Variants in PLXNC1 observed in about 807,000 individuals in gnomAD.
PLXNC1 encodes the protein plexin C1.
Under a neutral mutation model 178.2 loss-of-function variants are expected in PLXNC1, and 75 were observed. The observed-to-expected ratio is 0.42, with a 90% CI of 0.35 to 0.51. The LOEUF is 0.51. PLXNC1 is among the 20% of genes least tolerant of loss of function. The pLI, the probability that PLXNC1 is intolerant of heterozygous loss-of-function variation, is 0.02. For missense variants in PLXNC1, 1,503 were observed against 1,984.4 expected (o/e 0.76, Z 4.61); for synonymous variants, 790 against 779.9 (o/e 1.01, Z -0.22).
intron 1 of PLXNC1, among the ~76,000 whole-genome samples, chr12:94,164,452 G>A (rs964982611): frequency 1.0e-5 from 1 of 95,310 alleles, no homozygotes; most frequent in Non-Finnish European, 2.3e-5. Context: ...ACCCTGCCTC[G>A]ATGAGCCGGG....
chr12:94,262,358 G>A (rs1234543186), intron 20 of PLXNC1, among the ~76,000 whole-genome samples: 1 of 152,214 alleles, frequency 6.6e-6, no homozygotes, highest in Admixed American at 6.5e-5. Context: ...GTGTGTGGGC[G>A]TTGCCTTTAA....
chr12:94,174,819 G>A (rs952872213), intron 2 of PLXNC1, among the ~76,000 whole-genome samples: 3 of 152,164 alleles, frequency 2.0e-5, no homozygotes, highest in Admixed American at 2.0e-4. Flanking sequence ...TCATTGGTTG[G>A]CTGTTTAGGA....
intron 6 of PLXNC1, among the ~76,000 whole-genome samples, chr12:94,221,473 A>G (rs1963794533): frequency 6.6e-6 from 1 of 151,786 alleles, no homozygotes; most frequent in Non-Finnish European, 1.5e-5. Flanking sequence ...CAGACTGAGG[A>G]CTCCTGAGTC....
chr12:94,257,102 A>T (rs1219916519), intron 17 of PLXNC1, among the ~76,000 whole-genome samples: 4 of 152,240 alleles, frequency 2.6e-5, no homozygotes, highest in Non-Finnish European at 2.9e-5. Flanking sequence ...AAGATAGAAC[A>T]GGGAAACAGA....
intron 21 of PLXNC1, chr12:94,272,404 ACCAGCCATCTT>A (rs972165862): frequency 6.6e-6 from 1 of 152,378 alleles, no homozygotes; most frequent in African/African-American, 2.4e-5. Flanking sequence ...GCAGATGGTC[ACCAGCCATCTT>A]TTAAGGAAGT....
chr12:94,264,930 T>C (rs1965155613), intron 20 of PLXNC1, 149 bp from the exon 21 acceptor site: 1 of 788,876 alleles, frequency 1.3e-6, no homozygotes, highest in African/African-American at 1.7e-5. Flanking sequence ...CAATCCCAAG[T>C]GGAGCAACGT....
Position 94,149,412 on chromosome 12 carries a change from G to A in PLXNC1, c.441G>A (p.Leu147=). The A allele has an allele frequency of 7.0e-7, 1 of 1,437,288 alleles. No homozygotes were observed. Among genetic ancestry groups the A allele is most frequent in the Non-Finnish European group, 9.0e-7 (1 of 1,105,082 alleles). The allele number at this position is 1,437,288 out of a possible 1,614,324, so 89.0% of individuals were successfully genotyped here. ...RPLGNLSRNS[L]RNGTEVVSCH... is the part of the protein sequence containing the mutation. ...TGGGCAACCTGAGCCGCAACTCCCT[G>A]CGCAACGGCACCGAGGTGGTGTCGT... The change falls in exon 1 of 31, where the codon CTG becomes CTA. Residue 147 remains leucine, a synonymous_variant. Transcript: ENST00000258526.
rs140832541 is a variant in PLXNC1 at position 94,161,610 on chromosome 12, C to T, written c.1063-7543C>T. ...ATTATTATTTGCTTTGGTCAGAGCA[C>T]ACCTAAAGTACTGTGTTTACTTCTT... On this transcript the variant is annotated intron_variant, in intron 1 of 30. Coordinates refer to ENST00000258526, the MANE Select transcript of PLXNC1 (RefSeq NM_005761.3). Among the ~76,000 whole-genome samples, 39 of 152,310 alleles carry T rather than the reference C, an allele frequency of 2.6e-4. No individual in the cohort carries two copies. The East Asian group carries it at 6.4e-3, about 25-fold the overall frequency.
intron 12 of PLXNC1, among the ~76,000 whole-genome samples, 182 bp from the exon 13 acceptor site, chr12:94,247,721 C>T (rs1964567738): frequency 6.6e-6 from 1 of 152,006 alleles, no homozygotes; most frequent in Admixed American, 6.5e-5. Flanking sequence ...TTAACGTAGC[C>T]CTCATTTAAT....
intron 23 of PLXNC1, among the ~76,000 whole-genome samples, chr12:94,288,077 C>A (rs1347400374): frequency 6.6e-6 from 1 of 152,248 alleles, no homozygotes; most frequent in Non-Finnish European, 1.5e-5. Flanking sequence ...CAGATCCAGG[C>A]TTTCAGCCCA....
At chr12:94,246,171 G>C (rs528012481) in intron 12 of PLXNC1, among the ~76,000 whole-genome samples, 2 of 152,242 alleles carry the variant, frequency 1.3e-5, no homozygotes, top group South Asian at 2.1e-4. Context: ...CTTTGTTGGG[G>C]AACCTCCTGC....
At position 94,300,967 on chromosome 12, in the gene PLXNC1, TAAG is replaced by T. The variant is rs1565874718; in HGVS notation, c.4301_4303del (p.Lys1434del). On this transcript the variant is annotated inframe_deletion, in exon 28 of 31. Transcript: ENST00000258526. ...AGAACCCTCAGTTTGTCTTTGACATTAAGAAGACACCACATATAGACGGCTGTT... is the reference window on the plus strand; with the variant it reads ...AGAACCCTCAGTTTGTCTTTGACATTAAGACACCACATATAGACGGCTGTT... 6.2e-7 allele frequency: 1 copy of T among 1,613,630 alleles called. No individual in the cohort carries two copies. Among genetic ancestry groups the T allele is most frequent in the South Asian group, 1.1e-5 (1 of 91,058 alleles).
At chr12:94,183,311 GA>G (rs1188253614) in intron 3 of PLXNC1, among the ~76,000 whole-genome samples, 24 of 152,208 alleles carry the variant, frequency 1.6e-4, no homozygotes, top group Non-Finnish European at 2.8e-4. Context: ...TGACCACACT[GA>G]GATGGCCACA....
intron 1 of PLXNC1, among the ~76,000 whole-genome samples, chr12:94,153,230 T>C (rs1045084879): frequency 6.6e-6 from 1 of 152,206 alleles, no homozygotes; most frequent in African/African-American, 2.4e-5. Flanking sequence ...AATGTCTACA[T>C]CTCTACTCTT....
rs368179802 is a variant in PLXNC1 at position 94,189,384 on chromosome 12, T to G, written c.1439+2911T>G. On this transcript the variant is annotated intron_variant, in intron 4 of 30. Coordinates refer to ENST00000258526, the MANE Select transcript of PLXNC1 (RefSeq NM_005761.3). ...CTGTGTTGGAAGTTCAAGTTGAGTT[T>G]AAAGATTGTTAGGGGCAGGCGCGGT... is the stretch of plus-strand genomic sequence containing the variant. Among the ~76,000 whole-genome samples, 180 of 152,146 alleles carry G rather than the reference T, an allele frequency of 1.2e-3. 3 individuals carry two copies. The South Asian group carries it at 0.036, about 30-fold the overall frequency.
At chr12:94,215,238 T>C (rs1256373748) in intron 5 of PLXNC1, among the ~76,000 whole-genome samples, 3 of 152,092 alleles carry the variant, frequency 2.0e-5, no homozygotes, top group African/African-American at 7.2e-5. Flanking sequence ...ACCTTATTAA[T>C]TAAAAACATA....
chr12:94,171,972 TG>T (rs1961862415), intron 2 of PLXNC1, among the ~76,000 whole-genome samples: 2 of 152,210 alleles, frequency 1.3e-5, no homozygotes, highest in African/African-American at 4.8e-5. Flanking sequence ...TACAGATTCT[TG>T]GATGTAGCCC....
intron 9 of PLXNC1, among the ~76,000 whole-genome samples, chr12:94,233,493 C>T (rs947464818): frequency 9.9e-5 from 15 of 152,218 alleles, no homozygotes; most frequent in Non-Finnish European, 1.9e-4. Context: ...GCAGCCAAGT[C>T]AGCCTCCTTT....
intron 2 of PLXNC1, among the ~76,000 whole-genome samples, chr12:94,174,257 T>C (rs960729832): frequency 6.6e-6 from 1 of 152,008 alleles, no homozygotes; most frequent in Non-Finnish European, 1.5e-5. Context: ...CAGTCTCGGC[T>C]CACTACAACC....
Sources: gnomAD v4.1 joint callset for allele counts (sites outside exome capture counted in the v4.1 genomes callset) on GRCh38, gnomAD v4.1.1 for gene constraint, MANE v1.5 for transcripts, NCBI Gene and HGNC (gene_info 2026-07-23, HGNC 2026-07-21) for gene names.